The following GRAMD2B variants were observed in gnomAD, a reference collection of about 807,000 sequenced individuals.
GRAMD2B encodes GRAM domain-containing protein 2B.
GRAMD2B carries 41 observed loss-of-function variants against 59.2 expected under a neutral mutation model. The observed-to-expected ratio is 0.69, with a 90% CI of 0.54 to 0.90. The LOEUF (loss-of-function observed/expected upper bound fraction) is 0.90. Ranked by LOEUF, GRAMD2B falls within the 40% of genes least tolerant of loss-of-function variation. The pLI is 0.00. For synonymous variants in GRAMD2B, 161 were observed against 182.7 expected (o/e 0.88, Z 0.96); for missense variants, 424 against 500.5 (o/e 0.85, Z 1.46).
chr5:126,386,298 C>A (rs1756123845), intron 1 of GRAMD2B, among the ~76,000 whole-genome samples: 1 of 152,188 alleles, frequency 6.6e-6, no homozygotes, highest in Non-Finnish European at 1.5e-5. Context: ...CATTCAAAGG[C>A]AAATCCGAAT....
intron 10 of GRAMD2B, among the ~76,000 whole-genome samples, chr5:126,485,089 G>A (rs978430586): frequency 6.6e-6 from 1 of 152,088 alleles, no homozygotes. Flanking sequence ...AAAAATTTCT[G>A]TTACTGTAAC....
chr5:126,480,687 C>G lies in GRAMD2B; in HGVS notation c.715C>G (p.Arg239Gly). The G allele has an allele frequency of 6.2e-7, 1 of 1,613,928 alleles. No individual in the cohort carries two copies. Among genetic ancestry groups the G allele is most frequent in the Non-Finnish European group, 8.5e-7 (1 of 1,179,818 alleles). The change falls in exon 8 of 14, where the codon CGC (arginine) becomes GGC (glycine). Residue 239 changes from arginine to glycine, a missense_variant. Transcript: ENST00000285689. Reference protein sequence around the residue: ...SSAENSFRADRPSSLPLDFND... With the variant: ...SSAENSFRADGPSSLPLDFND... ...TGCTGAAAACAGTTTCCGAGCAGACCGCCCTTCATCTCTGCCTCTGGTAAG... is the reference window on the plus strand; with the variant it reads ...TGCTGAAAACAGTTTCCGAGCAGACGGCCCTTCATCTCTGCCTCTGGTAAG...
intron 1 of GRAMD2B, among the ~76,000 whole-genome samples, chr5:126,395,934 A>G (rs1259671956): frequency 1.3e-5 from 2 of 152,194 alleles, no homozygotes; most frequent in Non-Finnish European, 2.9e-5. Context: ...ATTACCTCAC[A>G]TAGTTACCTT....
At chr5:126,378,833 T>C (rs2149701123) in intron 1 of GRAMD2B, among the ~76,000 whole-genome samples, 2 of 152,330 alleles carry the variant, frequency 1.3e-5, no homozygotes, top group Non-Finnish European at 2.9e-5. Flanking sequence ...ACTTTGCCAT[T>C]TTTTTCAGAC....
intron 1 of GRAMD2B, among the ~76,000 whole-genome samples, chr5:126,425,272 A>T (rs960766359): frequency 2.0e-5 from 3 of 152,250 alleles, no homozygotes; most frequent in African/African-American, 7.2e-5. Context: ...CTATATACAC[A>T]AGATACGAAA....
At chr5:126,360,520 T>A in intron 1 of GRAMD2B, 1 of 1,497,300 alleles carries the variant, frequency 6.7e-7, no homozygotes, top group Non-Finnish European at 9.0e-7. Context: ...CTTCTGTGGT[T>A]TAAAAGGCCT....
upstream of GRAMD2B, among the ~76,000 whole-genome samples, chr5:126,419,076 C>T: frequency 6.6e-6 from 1 of 152,156 alleles, no homozygotes; most frequent in Non-Finnish European, 1.5e-5. Context: ...AAATACCCCA[C>T]CACATGTTTT....
exon 1 of GRAMD2B, chr5:126,360,425 A>G: frequency 1.3e-6 from 2 of 1,551,276 alleles, no homozygotes; most frequent in South Asian, 2.4e-5. Context: ...GTTCCACGGG[A>G]GAGAAGTGAA....
At chr5:126,423,835 C>CTCT in intron 1 of GRAMD2B, 146 bp downstream of exon 1, 1 of 661,442 alleles carries the variant, frequency 1.5e-6, no homozygotes. Context: ...GTCTCTCACT[C>CTCT]TCTCTCTCTG....
Position 126,435,875 on chromosome 5 carries a change from G to A in GRAMD2B, c.83+12186G>A, listed in dbSNP as rs571176934. ...TATACCTGTTTAAGGCAGGACTGCCGCTGGAACATACCTAAACTATCCTCT... is the reference window on the plus strand; with the variant it reads ...TATACCTGTTTAAGGCAGGACTGCCACTGGAACATACCTAAACTATCCTCT... On this transcript the variant is annotated intron_variant, in intron 1 of 13. Coordinates refer to ENST00000285689, the MANE Select transcript of GRAMD2B (RefSeq NM_023927.4). Among the ~76,000 whole-genome samples, 11 of 152,148 alleles carry A rather than the reference G, an allele frequency of 7.2e-5. 2 individuals carry two copies. Among genetic ancestry groups the A allele is most frequent in the African/African-American group, 2.2e-4 (9 of 41,522 alleles).
At chr5:126,417,196 A>G (rs1257629393) in intron 1 of GRAMD2B, among the ~76,000 whole-genome samples, 2 of 152,246 alleles carry the variant, frequency 1.3e-5, no homozygotes, top group African/African-American at 4.8e-5. Flanking sequence ...AATCTGGACT[A>G]GCCCTATGGC....
At chr5:126,462,648 C>A (rs767153261) in intron 1 of GRAMD2B, among the ~76,000 whole-genome samples, 12 of 152,062 alleles carry the variant, frequency 7.9e-5, no homozygotes, top group Non-Finnish European at 1.0e-4. Flanking sequence ...TGGAAAAAAA[C>A]CAGACATTCC....
chr5:126,480,739 A>T (rs1478035978), intron 8 of GRAMD2B, 32 bp downstream of exon 8: 1 of 1,568,972 alleles, frequency 6.4e-7, no homozygotes. Context: ...CTAAATGCAA[A>T]AGAAAGGGAA....
At chr5:126,389,946 T>C (rs1756577361) in intron 1 of GRAMD2B, among the ~76,000 whole-genome samples, 1 of 151,786 alleles carries the variant, frequency 6.6e-6, no homozygotes, top group Admixed American at 6.6e-5. Context: ...AGACTCTGTC[T>C]CAAAAAAAAA....
intron 1 of GRAMD2B, among the ~76,000 whole-genome samples, chr5:126,463,373 G>T (rs537090938): frequency 6.6e-6 from 1 of 152,198 alleles, no homozygotes; most frequent in Admixed American, 6.5e-5. Context: ...ATCTGTTGAA[G>T]AAAAGAGATA....
At chr5:126,417,085 T>C (rs770028238) in intron 1 of GRAMD2B, among the ~76,000 whole-genome samples, 1 of 152,230 alleles carries the variant, frequency 6.6e-6, no homozygotes, top group Non-Finnish European at 1.5e-5. Context: ...AAAGTATCTA[T>C]AGTCAGAGGG....
At chr5:126,391,995 A>T (rs1364401418) in intron 1 of GRAMD2B, among the ~76,000 whole-genome samples, 2 of 152,244 alleles carry the variant, frequency 1.3e-5, no homozygotes, top group African/African-American at 2.4e-5. Context: ...TTCTGTAAAT[A>T]CAAAGTAAGC....
intron 1 of GRAMD2B, among the ~76,000 whole-genome samples, chr5:126,459,719 C>T (rs57484973): frequency 0.046 from 7,052 of 152,162 alleles, 569 homozygotes; most frequent in African/African-American, 0.16. Context: ...GCGCTAGTCA[C>T]GATTAAAATG....
intron 1 of GRAMD2B, among the ~76,000 whole-genome samples, chr5:126,371,852 C>T (rs986436451): frequency 2.4e-4 from 36 of 152,114 alleles, no homozygotes; most frequent in African/African-American, 8.5e-4. Context: ...TATGCAATTC[C>T]TCAATTCTTG....
Sources: gnomAD v4.1 joint callset for allele counts (sites outside exome capture counted in the v4.1 genomes callset) on GRCh38, gnomAD v4.1.1 for gene constraint, MANE v1.5 for transcripts, NCBI Gene and HGNC (gene_info 2026-07-23, HGNC 2026-07-21) for gene names.